Variants in SOX6 observed in about 807,000 individuals in gnomAD.
The protein encoded by SOX6 is transcription factor SOX-6.
A neutral mutation model predicts 97.8 loss-of-function variants in SOX6; 11 were observed. The observed-to-expected ratio is 0.11, with a 90% confidence interval of 0.07 to 0.19. The LOEUF (loss-of-function observed/expected upper bound fraction) is 0.19. Ranked by LOEUF, SOX6 falls within the 10% of genes least tolerant of loss-of-function variation. SOX6 has a pLI of 1.00. For synonymous variants in SOX6, 360 were observed against 371.4 expected (o/e 0.97, Z 0.35); for missense variants, 810 against 1,039.5 (o/e 0.78, Z 3.04).
chr11:16,030,548 A>C (rs1337408427), intron 12 of SOX6, among the ~76,000 whole-genome samples: 2 of 152,174 alleles, frequency 1.3e-5, no homozygotes, highest in Non-Finnish European at 2.9e-5. Flanking sequence ...TCATTAAATT[A>C]CCTTTTAAAA....
intron 3 of SOX6, among the ~76,000 whole-genome samples, chr11:16,259,014 C>T (rs1372562571): frequency 6.6e-6 from 1 of 151,294 alleles, no homozygotes; most frequent in African/African-American, 2.4e-5. Context: ...TTTTAAAAAA[C>T]ATGTAAAGGA....
intron 4 of SOX6, among the ~76,000 whole-genome samples, chr11:16,216,801 C>T (rs1449848379): frequency 6.6e-6 from 1 of 152,020 alleles, no homozygotes; most frequent in Non-Finnish European, 1.5e-5. Context: ...CTTCTTCTTC[C>T]TAATATCAAA....
intron 11 of SOX6, among the ~76,000 whole-genome samples, chr11:16,048,920 G>C (rs987385592): frequency 6.6e-6 from 1 of 151,988 alleles, no homozygotes; most frequent in Non-Finnish European, 1.5e-5. Context: ...ACTGACAACT[G>C]CTTTCACATT....
intron 6 of SOX6, among the ~76,000 whole-genome samples, chr11:16,180,896 T>C (rs1341344656): frequency 1.3e-5 from 2 of 151,914 alleles, no homozygotes; most frequent in Admixed American, 6.6e-5. Context: ...AAAATAAACA[T>C]GGGAACTTTT....
intron 1 of SOX6, among the ~76,000 whole-genome samples, chr11:16,345,579 T>C (rs1856754899): frequency 6.6e-6 from 1 of 152,100 alleles, no homozygotes; most frequent in African/African-American, 2.4e-5. Context: ...TTTGGCCTAC[T>C]ACAAACTTAC....
At chr11:16,128,745 T>C (rs886630641) in intron 6 of SOX6, among the ~76,000 whole-genome samples, 14 of 152,192 alleles carry the variant, frequency 9.2e-5, no homozygotes, top group Admixed American at 2.6e-4. Context: ...GAGGAAATAC[T>C]TGAGGCACAT....
chr11:16,533,335 T>A (rs777281844), intron 4 of SOX6, among the ~76,000 whole-genome samples: 1 of 151,784 alleles, frequency 6.6e-6, no homozygotes, highest in East Asian at 1.9e-4. Context: ...AAAAACTGAA[T>A]AACCCCTAAA....
At position 16,365,285 on chromosome 11, in the gene SOX6, C is replaced by CTG. The variant is rs35122849; in HGVS notation, c.-4-24035_-4-24034dup. 9.0e-3 allele frequency among the ~76,000 whole-genome samples: 1,334 copies of CTG among 148,326 alleles called. 6 individuals carry two copies. The highest frequency in any genetic ancestry group is 0.035 in the East Asian group (178 of 5,036). On this transcript the variant is annotated intron_variant, in intron 1 of 15. Coordinates refer to the SOX6 transcript ENST00000396356. ...TCCCCATCAGATAAACAGGGAAGTACTGTGTGTGTGTGTGTGTGTGTTTGT... is the reference window on the plus strand; with the variant it reads ...TCCCCATCAGATAAACAGGGAAGTACTGTGTGTGTGTGTGTGTGTGTGTTTGT...
intron 4 of SOX6, among the ~76,000 whole-genome samples, chr11:16,546,268 T>C (rs1319887742): frequency 6.6e-6 from 1 of 152,170 alleles, no homozygotes; most frequent in Non-Finnish European, 1.5e-5. Flanking sequence ...AAAATGACCA[T>C]ACTACCCAAA....
intron 3 of SOX6, among the ~76,000 whole-genome samples, chr11:16,622,333 T>G (rs528766319): frequency 6.6e-6 from 1 of 152,338 alleles, no homozygotes; most frequent in East Asian, 1.9e-4. Flanking sequence ...GAATAAGTTC[T>G]TTAGTGGTGA....
chr11:16,441,338 A>G (rs559640170), intron 1 of SOX6, among the ~76,000 whole-genome samples: 1 of 152,296 alleles, frequency 6.6e-6, no homozygotes, highest in East Asian at 1.9e-4. Context: ...ATATATGTAC[A>G]CTTTTATTTG....
At chr11:16,132,399 A>AAAG (rs1849806447) in intron 6 of SOX6, among the ~76,000 whole-genome samples, 4 of 63,882 alleles carry the variant, frequency 6.3e-5, no homozygotes, top group African/African-American at 2.8e-4. Flanking sequence ...AGAAAGAAAG[A>AAAG]AAAAAGAAAG....
At chr11:16,215,321 TC>T (rs1367141924) in intron 4 of SOX6, among the ~76,000 whole-genome samples, 3 of 151,818 alleles carry the variant, frequency 2.0e-5, no homozygotes. Flanking sequence ...TAGTAAGGAG[TC>T]ATTATAAGAG....
intron 12 of SOX6, among the ~76,000 whole-genome samples, chr11:16,037,554 C>G (rs1456382270): frequency 2.0e-5 from 3 of 152,096 alleles, no homozygotes; most frequent in African/African-American, 7.2e-5. Flanking sequence ...ATCCTGAGTA[C>G]CTGGCTTATA....
At chr11:16,314,910 A>C (rs1384634454) in intron 3 of SOX6, 1 of 152,124 alleles carries the variant, frequency 6.6e-6, no homozygotes, top group Non-Finnish European at 1.5e-5. Flanking sequence ...ACCATATCAC[A>C]AATGTTTTAA....
rs180939421 is a variant in SOX6 at position 16,526,283 on chromosome 11, C to G, written n.610-49895G>C. Among the ~76,000 whole-genome samples, 1,340 of 152,226 alleles carry G rather than the reference C, an allele frequency of 8.8e-3. 17 individuals carry two copies. Among genetic ancestry groups the G allele is most frequent in the African/African-American group, 0.031 (1,280 of 41,502 alleles). ...ATTAAGAAAATGTGGCACATATACA[C>G]CATGGAATACTATGCAGCCATAAAA... On this transcript the variant is annotated intron_variant and non_coding_transcript_variant, in intron 4 of 5. Coordinates refer to the SOX6 transcript ENST00000524520.
intron 4 of SOX6, among the ~76,000 whole-genome samples, chr11:16,539,194 G>T (rs1025702834): frequency 6.6e-6 from 1 of 152,158 alleles, no homozygotes; most frequent in Admixed American, 6.5e-5. Context: ...ACAACTACAT[G>T]GAAACTGAAC....
chr11:16,142,771 T>C (rs1413299530), intron 6 of SOX6, among the ~76,000 whole-genome samples: 1 of 151,304 alleles, frequency 6.6e-6, no homozygotes, highest in Non-Finnish European at 1.5e-5. Flanking sequence ...ATCAAATGAA[T>C]GAAATGAAGG....
chr11:16,173,313 T>A (rs1851090236), intron 6 of SOX6, among the ~76,000 whole-genome samples: 1 of 151,880 alleles, frequency 6.6e-6, no homozygotes, highest in African/African-American at 2.4e-5. Flanking sequence ...TCCTTGGAAC[T>A]TCTAAGCTCC....
Sources: gnomAD v4.1 joint callset for allele counts (sites outside exome capture counted in the v4.1 genomes callset) on GRCh38, gnomAD v4.1.1 for gene constraint, MANE v1.5 for transcripts, NCBI Gene and HGNC (gene_info 2026-07-23, HGNC 2026-07-21) for gene names.